HIVEP3: variants seen among roughly 807,000 people sequenced by gnomAD.
The protein encoded by HIVEP3 is HIVEP zinc finger 3, also known as transcription factor HIVEP3.
In HIVEP3, 49 loss-of-function variants were observed where a neutral mutation model predicts 152.8. That is an observed-to-expected ratio of 0.32 (90% CI 0.26 to 0.41). The LOEUF (loss-of-function observed/expected upper bound fraction) is 0.41, where lower values mean the gene tolerates loss of function less well. Among genes scored for constraint, HIVEP3 ranks in the 10% least tolerant of loss-of-function variants. The pLI is 1.00. For synonymous variants in HIVEP3, 1,269 were observed against 1,289.0 expected (o/e 0.98, Z 0.33); for missense variants, 2,790 against 3,103.3 (o/e 0.90, Z 2.40).
chr1:41,627,387 G>A (rs978031867), intron 3 of HIVEP3, among the ~76,000 whole-genome samples: 1 of 152,132 alleles, frequency 6.6e-6, no homozygotes, highest in Non-Finnish European at 1.5e-5. Context: ...TTGAACTCAG[G>A]GTGGGTCTAC....
chr1:41,986,891 C>T (rs1263143070), intron 1 of HIVEP3, among the ~76,000 whole-genome samples: 1 of 152,100 alleles, frequency 6.6e-6, no homozygotes, highest in African/African-American at 2.4e-5. Flanking sequence ...GTATTGGAGA[C>T]AGAAGTTTGT....
Position 41,601,636 on chromosome 1 carries a change from A to G in HIVEP3, c.-521-16318T>C, listed in dbSNP as rs1001589158. 3.9e-5 allele frequency among the ~76,000 whole-genome samples: 6 copies of G among 152,162 alleles called. No individual in the cohort carries two copies. In the East Asian group the frequency reaches 9.6e-4, roughly 24 times the overall value. On this transcript the variant is annotated intron_variant, in intron 3 of 8. Transcript: ENST00000372583. ...ACTAAATTTGTTAATTAGTTCTAATACTTTTTAATGGCATCTTTAGGATTT... is the reference window on the plus strand; with the variant it reads ...ACTAAATTTGTTAATTAGTTCTAATGCTTTTTAATGGCATCTTTAGGATTT...
At chr1:41,770,652 G>A (rs1648294616) in intron 1 of HIVEP3, among the ~76,000 whole-genome samples, 3 of 152,006 alleles carry the variant, frequency 2.0e-5, no homozygotes, top group South Asian at 2.1e-4. Flanking sequence ...AAAACATTAC[G>A]CAAACCCAAG....
chr1:41,632,906 C>T (rs1048893043), intron 2 of HIVEP3, among the ~76,000 whole-genome samples: 8 of 152,038 alleles, frequency 5.3e-5, no homozygotes, highest in Non-Finnish European at 7.4e-5. Context: ...CGGGACATGA[C>T]GGTTTGACAG....
At chr1:41,573,998 G>A (rs1045461709) in intron 5 of HIVEP3, among the ~76,000 whole-genome samples, 9 of 152,238 alleles carry the variant, frequency 5.9e-5, no homozygotes, top group South Asian at 4.2e-4. Context: ...AGCTGGGCAC[G>A]GAGTGGCTCC....
chr1:41,841,000 G>A (rs891088981), intron 1 of HIVEP3, among the ~76,000 whole-genome samples: 1 of 152,240 alleles, frequency 6.6e-6, no homozygotes, highest in African/African-American at 2.4e-5. Flanking sequence ...TCAAAGGGCT[G>A]TTAAAGTCTC....
intron 1 of HIVEP3, among the ~76,000 whole-genome samples, chr1:41,939,568 G>C (rs889149113): frequency 6.6e-6 from 1 of 152,108 alleles, no homozygotes; most frequent in East Asian, 1.9e-4. Context: ...GGTAAGACGA[G>C]GGAAGTCAAC....
At chr1:41,691,633 A>G (rs1351875631) in intron 2 of HIVEP3, among the ~76,000 whole-genome samples, 2 of 152,204 alleles carry the variant, frequency 1.3e-5, no homozygotes, top group South Asian at 4.1e-4. Context: ...CAGATCACGA[A>G]TCTGCCTTGA....
chr1:42,024,234 T>C (rs1048463552), intron 1 of HIVEP3, among the ~76,000 whole-genome samples: 1 of 152,212 alleles, frequency 6.6e-6, no homozygotes, highest in South Asian at 2.1e-4. Flanking sequence ...TAGGTACATA[T>C]ACATTTCAAA....
chr1:41,682,325 A>T (rs1020433106), intron 2 of HIVEP3, among the ~76,000 whole-genome samples: 1 of 152,042 alleles, frequency 6.6e-6, no homozygotes, highest in Middle Eastern at 3.2e-3. Flanking sequence ...CTCTGTGCTT[A>T]TGGCATTGCT....
chr1:41,811,097 AT>A (rs11307649), intron 1 of HIVEP3, among the ~76,000 whole-genome samples: 55,242 of 144,826 alleles, frequency 0.38, 10,488 homozygotes, highest in African/African-American at 0.48. Context: ...CAATGACCAG[AT>A]TTTTTTTTTT....
chr1:42,014,010 G>A (rs1410924855), intron 1 of HIVEP3, among the ~76,000 whole-genome samples: 1 of 152,194 alleles, frequency 6.6e-6, no homozygotes, highest in African/African-American at 2.4e-5. Context: ...TCTGTCCTAT[G>A]ATTTCATGTG....
chr1:41,575,424 G>C (rs961983901), intron 5 of HIVEP3, 120 bp downstream of exon 5: 4 of 1,036,898 alleles, frequency 3.9e-6, no homozygotes, highest in Non-Finnish European at 5.8e-6. Flanking sequence ...GCATCGCTGG[G>C]ACCACAGGGC....
At chr1:41,970,695 T>G (rs1468239855) in intron 1 of HIVEP3, among the ~76,000 whole-genome samples, 5 of 152,076 alleles carry the variant, frequency 3.3e-5, no homozygotes, top group Non-Finnish European at 7.4e-5. Flanking sequence ...CAATTTAAAA[T>G]GAAATAAAAT....
chr1:41,600,604 G>A (rs1229697429), intron 3 of HIVEP3, among the ~76,000 whole-genome samples: 1 of 152,186 alleles, frequency 6.6e-6, no homozygotes, highest in Non-Finnish European at 1.5e-5. Context: ...TTTTCAGAAT[G>A]AAAAGTAATC....
chr1:41,584,566 G>C lies in HIVEP3; in HGVS notation c.232C>G (p.Gln78Glu). The change falls in exon 4 of 9, where the codon CAG becomes GAG. Residue 78 changes from glutamine to glutamate, a missense_variant. By Grantham distance (29) the Gln-to-Glu change is conservative. Coordinates refer to ENST00000372583, the MANE Select transcript of HIVEP3 (RefSeq NM_024503.5). This position sits in a 1 kb window ranked among gnomAD's most constrained non-coding sequence, Gnocchi z 5.2. ...EGSQEKTGQQ[Q>E]KPPKRPPIEA... ...ATGGGGGGCCTTTTGGGGGGCTTCT[G>C]CTGCTGGCCCGTTTTCTCCTGAGAG... is the stretch of plus-strand genomic sequence containing the variant. The C allele has an allele frequency of 6.2e-7, 1 of 1,614,164 alleles. No homozygotes were observed. Among genetic ancestry groups the C allele is most frequent in the Non-Finnish European group, 8.5e-7 (1 of 1,180,012 alleles).
intron 1 of HIVEP3, among the ~76,000 whole-genome samples, chr1:41,932,683 CTTA>C (rs1184124826): frequency 6.6e-6 from 1 of 151,466 alleles, no homozygotes; most frequent in Non-Finnish European, 1.5e-5. Context: ...GATTTTTGCT[CTTA>C]TTATGTTCTT....
intron 1 of HIVEP3, among the ~76,000 whole-genome samples, chr1:42,011,967 A>C (rs1200399154): frequency 1.6e-4 from 25 of 152,170 alleles, no homozygotes; most frequent in Admixed American, 1.6e-3. Flanking sequence ...ATCCTGGGAA[A>C]CAACAAGAAT....
At chr1:41,527,737 C>T (rs1643042890) in intron 5 of HIVEP3, among the ~76,000 whole-genome samples, 1 of 147,716 alleles carries the variant, frequency 6.8e-6, no homozygotes, top group Non-Finnish European at 1.5e-5. Flanking sequence ...CACACATGCA[C>T]CCTACACCCT....
Sources: gnomAD v4.1 joint callset for allele counts (sites outside exome capture counted in the v4.1 genomes callset) on GRCh38, gnomAD v4.1.1 for gene constraint, Gnocchi (gnomAD v3.1) non-coding constraint, MANE v1.5 for transcripts, NCBI Gene and HGNC (gene_info 2026-07-23, HGNC 2026-07-21) for gene names.